Variants in PLPPR5 observed in about 807,000 individuals in gnomAD.
PLPPR5 encodes phospholipid phosphatase-related protein type 5.
In PLPPR5, 16 loss-of-function variants were observed where a neutral mutation model predicts 33.9. The ratio of observed to expected loss-of-function variants is 0.47; its 90% confidence interval spans 0.32 to 0.72. The LOEUF (loss-of-function observed/expected upper bound fraction) is 0.72, where lower values mean the gene tolerates loss of function less well. Among genes scored for constraint, PLPPR5 ranks in the 30% least tolerant of loss-of-function variants. The probability of loss-of-function intolerance (pLI) is 0.03; values close to 1 mark genes in which losing one functional copy is unlikely to be tolerated. For synonymous variants in PLPPR5, 163 were observed against 150.3 expected, an observed-to-expected ratio of 1.08 and a Z score of -0.62; for missense variants, 301 against 406.7, an observed-to-expected ratio of 0.74 and a Z score of 2.23.
chr1:99,005,646 G>T (rs1395010933), upstream of PLPPR5, among the ~76,000 whole-genome samples: 1 of 152,152 alleles, frequency 6.6e-6, no homozygotes, highest in Non-Finnish European at 1.5e-5. Context: ...GGCACTGAGC[G>T]GTCCCAGCCA....
intron 1 of PLPPR5, among the ~76,000 whole-genome samples, chr1:98,961,473 G>A (rs143217001): frequency 6.1e-4 from 93 of 152,312 alleles, no homozygotes; most frequent in Admixed American, 1.6e-3. Context: ...GTTAACCACT[G>A]TCATAACTGT....
chr1:98,893,505 G>T (rs1214253648), intron 5 of PLPPR5, among the ~76,000 whole-genome samples: 1 of 151,808 alleles, frequency 6.6e-6, no homozygotes, highest in African/African-American at 2.4e-5. Flanking sequence ...AGACTAAAAT[G>T]GCATTTGCTA....
chr1:98,957,263 C>A (rs1369334934), intron 1 of PLPPR5, among the ~76,000 whole-genome samples: 2 of 151,478 alleles, frequency 1.3e-5, no homozygotes, highest in Admixed American at 1.3e-4. Flanking sequence ...GAGCAGCGCA[C>A]CAGCATGGCA....
chr1:98,986,486 G>A, intron 1 of PLPPR5, among the ~76,000 whole-genome samples: 1 of 151,836 alleles, frequency 6.6e-6, no homozygotes, highest in East Asian at 1.9e-4. Context: ...AACTCTGGAT[G>A]TGAGAAAAGT....
chr1:98,929,249 C>T (rs926445948), intron 3 of PLPPR5, among the ~76,000 whole-genome samples: 6 of 152,080 alleles, frequency 3.9e-5, no homozygotes, highest in South Asian at 2.1e-4. Flanking sequence ...GTTTCATTGC[C>T]GTCACATGGC....
intron 1 of PLPPR5, among the ~76,000 whole-genome samples, chr1:98,959,203 G>T (rs1041452184): frequency 4.6e-5 from 7 of 152,168 alleles, no homozygotes; most frequent in African/African-American, 1.4e-4. Context: ...TCCCTGACTT[G>T]ATAATTCTTT....
At chr1:98,899,073 C>CT (rs1242021612) in intron 5 of PLPPR5, among the ~76,000 whole-genome samples, 1 of 152,136 alleles carries the variant, frequency 6.6e-6, no homozygotes, top group Non-Finnish European at 1.5e-5. Flanking sequence ...CACCCAGGAT[C>CT]TTTAAGAAAA....
intron 1 of PLPPR5, among the ~76,000 whole-genome samples, chr1:98,977,215 T>C (rs1270472712): frequency 2.6e-5 from 4 of 152,020 alleles, no homozygotes; most frequent in African/African-American, 9.7e-5. Context: ...AATAAATACA[T>C]GTGAAACTCT....
At chr1:98,978,027 G>A (rs554687111) in intron 1 of PLPPR5, among the ~76,000 whole-genome samples, 2 of 151,950 alleles carry the variant, frequency 1.3e-5, no homozygotes, top group Non-Finnish European at 2.9e-5. Flanking sequence ...TTAGATAAAA[G>A]TCGTAAAATC....
chr1:98,983,335 G>T (rs1051104296), intron 1 of PLPPR5, among the ~76,000 whole-genome samples: 9 of 133,252 alleles, frequency 6.8e-5, no homozygotes, highest in African/African-American at 2.6e-4. Flanking sequence ...AGAATATGCG[G>T]TGTTTGGTTT....
intron 5 of PLPPR5, among the ~76,000 whole-genome samples, chr1:98,906,570 A>G (rs756792902): frequency 2.0e-5 from 3 of 152,126 alleles, no homozygotes; most frequent in Non-Finnish European, 4.4e-5. Flanking sequence ...AATGAAATTT[A>G]TATCAGGTCT....
At chr1:98,894,347 AG>A (rs1648392326) in intron 5 of PLPPR5, among the ~76,000 whole-genome samples, 1 of 152,088 alleles carries the variant, frequency 6.6e-6, no homozygotes. Flanking sequence ...TTCAGGGTAA[AG>A]ATGACTTGTC....
intron 1 of PLPPR5, chr1:99,004,185 T>A: frequency 1.9e-6 from 1 of 531,468 alleles, no homozygotes; most frequent in Admixed American, 3.5e-5. Flanking sequence ...TTCCCTTCCA[T>A]CCCCGCCCAG....
intron 4 of PLPPR5, among the ~76,000 whole-genome samples, chr1:98,920,957 T>C (rs1649531285): frequency 6.6e-6 from 1 of 152,154 alleles, no homozygotes; most frequent in African/African-American, 2.4e-5. Context: ...TTCAGGCTGT[T>C]TATTATATAC....
At chr1:98,900,217 A>G (rs901965244) in intron 5 of PLPPR5, among the ~76,000 whole-genome samples, 1 of 152,110 alleles carries the variant, frequency 6.6e-6, no homozygotes, top group Non-Finnish European at 1.5e-5. Context: ...CATAAGATCA[A>G]TCTTTAACAG....
intron 1 of PLPPR5, among the ~76,000 whole-genome samples, chr1:98,975,597 A>T (rs574710605): frequency 1.9e-4 from 29 of 152,118 alleles, no homozygotes; most frequent in African/African-American, 6.5e-4. Context: ...TATCTATCCT[A>T]CCTGATCTGA....
At chr1:98,916,403 C>T (rs1230734973) in intron 4 of PLPPR5, among the ~76,000 whole-genome samples, 1 of 152,164 alleles carries the variant, frequency 6.6e-6, no homozygotes, top group Non-Finnish European at 1.5e-5. Context: ...GCTACTACCT[C>T]ATGATGTTAC....
intron 1 of PLPPR5, among the ~76,000 whole-genome samples, chr1:98,975,527 C>T (rs1421895302): frequency 6.6e-6 from 1 of 152,040 alleles, no homozygotes; most frequent in African/African-American, 2.4e-5. Context: ...AAGTTGTCAA[C>T]AGAAGTACAA....
At chr1:98,934,225 G>A (rs536000180) in intron 3 of PLPPR5, among the ~76,000 whole-genome samples, 22 of 152,240 alleles carry the variant, frequency 1.4e-4, no homozygotes, top group African/African-American at 5.3e-4. Flanking sequence ...GGTGGCAATA[G>A]GACATATAGT....
Sources: allele counts gnomAD v4.1 joint callset (sites outside exome capture counted in the v4.1 genomes callset), GRCh38; gene constraint gnomAD v4.1.1; transcripts MANE v1.5; gene names NCBI Gene and HGNC (gene_info 2026-07-23, HGNC 2026-07-21).